The following ENAH variants were observed in gnomAD, a reference collection of about 807,000 sequenced individuals.
ENAH encodes ENAH actin regulator.
A neutral mutation model predicts 78.7 loss-of-function variants in ENAH; 23 were observed. The observed-to-expected ratio is 0.29, with a 90% CI of 0.21 to 0.41. ENAH has a LOEUF of 0.41. ENAH is among the 10% of genes least tolerant of loss of function. The probability of loss-of-function intolerance (pLI) is 1.00; values close to 1 mark genes in which losing one functional copy is unlikely to be tolerated. For synonymous variants in ENAH, 226 were observed against 241.0 expected, an observed-to-expected ratio of 0.94 and a Z score of 0.58; for missense variants, 544 against 691.0, an observed-to-expected ratio of 0.79 and a Z score of 2.39.
intron 2 of ENAH, among the ~76,000 whole-genome samples, chr1:225,559,522 A>T (rs1354717402): frequency 5.9e-5 from 9 of 152,192 alleles, no homozygotes; most frequent in Non-Finnish European, 8.8e-5. Context: ...TGTGACTCAT[A>T]AATTTGTAAC....
At chr1:225,557,046 C>G (rs78087354) in intron 2 of ENAH, among the ~76,000 whole-genome samples, 4 of 152,156 alleles carry the variant, frequency 2.6e-5, no homozygotes, top group African/African-American at 7.2e-5. Flanking sequence ...TAGCTTTATA[C>G]GAAATCTAGA....
rs1194908525 is a variant in ENAH at position 225,487,673 on chromosome 1, T to A, written c.*10102A>T. On this transcript the variant is annotated 3_prime_UTR_variant, in exon 14 of 14. Coordinates refer to ENST00000366843, the MANE Select transcript of ENAH (RefSeq NM_018212.6). Reference sequence around the variant, plus strand: ...CAGTATACGCAACCTTAGGCTCACTTCCAGATTATAAAGTCCCATTCATGG... The same window carrying A: ...CAGTATACGCAACCTTAGGCTCACTACCAGATTATAAAGTCCCATTCATGG... 1 of 152,216 alleles carries A rather than the reference T, an allele frequency of 6.6e-6. No individual in the cohort carries two copies. The highest frequency in any genetic ancestry group is 2.4e-5 in the African/African-American group (1 of 41,444). The allele number at this position is 152,216 out of a possible 1,614,324, so 9.4% of individuals were successfully genotyped here. A position where few individuals can be genotyped will look rare whatever the true frequency, so the allele number is the denominator to read the frequency against.
At chr1:225,521,641 C>CAA (rs559523159) in intron 4 of ENAH, among the ~76,000 whole-genome samples, 14 of 69,380 alleles carry the variant, frequency 2.0e-4, no homozygotes, top group African/African-American at 2.3e-4. Flanking sequence ...ACCCTGTCTC[C>CAA]AAAAAAAAAA....
At chr1:225,597,811 C>T (rs1332788017) in intron 1 of ENAH, among the ~76,000 whole-genome samples, 1 of 152,070 alleles carries the variant, frequency 6.6e-6, no homozygotes, top group Non-Finnish European at 1.5e-5. Context: ...ATGCATAAGG[C>T]CTACCGAAGG....
rs2096245925 is a variant in ENAH at position 225,495,525 on chromosome 1, G to A, written c.*2250C>T. The A allele has an allele frequency of 8.0e-6, 1 of 124,352 alleles. No individual in the cohort carries two copies. The highest frequency in any genetic ancestry group is 2.5e-4 in the South Asian group (1 of 3,992). The allele number at this position is 124,352 out of a possible 1,614,324, so 7.7% of individuals were successfully genotyped here. A position where few individuals can be genotyped will look rare whatever the true frequency, so the allele number is the denominator to read the frequency against. ...TTAATATTAGACCAAGGCACAAAAC[G>A]TTTAGTGCATAAACCCAGTTTCTTT... is the stretch of plus-strand genomic sequence containing the variant. On this transcript the variant is annotated 3_prime_UTR_variant, in exon 14 of 14. Transcript: ENST00000366843.
At chr1:225,623,813 T>C (rs180922279) in intron 1 of ENAH, among the ~76,000 whole-genome samples, 101 of 152,218 alleles carry the variant, frequency 6.6e-4, no homozygotes, top group Middle Eastern at 3.4e-3. Context: ...ATGGTCTCGC[T>C]CTCCTGACCT....
At chr1:225,585,952 G>A (rs1486046101) in intron 1 of ENAH, among the ~76,000 whole-genome samples, 3 of 152,144 alleles carry the variant, frequency 2.0e-5, no homozygotes, top group Non-Finnish European at 4.4e-5. Flanking sequence ...GGCGGCTCAC[G>A]CCTGTAATCT....
chr1:225,506,774 T>C (rs2096334150), intron 11 of ENAH, among the ~76,000 whole-genome samples: 1 of 152,204 alleles, frequency 6.6e-6, no homozygotes, highest in Non-Finnish European at 1.5e-5. Flanking sequence ...CTACCAAATC[T>C]TCTTTCCTAC....
chr1:225,550,547 A>AT (rs1033298624), intron 3 of ENAH, among the ~76,000 whole-genome samples: 3 of 152,216 alleles, frequency 2.0e-5, no homozygotes, highest in Non-Finnish European at 1.5e-5. Context: ...AACTACTGAG[A>AT]TTTTTTTAAT....
At chr1:225,519,713 T>C (rs2096452967) in intron 4 of ENAH, 148 bp from the exon 5 acceptor site, 2 of 1,213,920 alleles carry the variant, frequency 1.6e-6, no homozygotes, top group East Asian at 2.3e-5. Flanking sequence ...GAAGGCTACC[T>C]TGGATAGAGA....
intron 6 of ENAH, among the ~76,000 whole-genome samples, chr1:225,515,555 T>C (rs2096410964): frequency 6.6e-6 from 1 of 152,066 alleles, no homozygotes; most frequent in African/African-American, 2.4e-5. Context: ...TGAAGTAGAG[T>C]TGTTTTTATC....
At chr1:225,637,017 T>A (rs1660183561) in intron 1 of ENAH, among the ~76,000 whole-genome samples, 1 of 152,076 alleles carries the variant, frequency 6.6e-6, no homozygotes, top group African/African-American at 2.4e-5. Context: ...ATAAAAGTAA[T>A]GAAACCGCAA....
rs372263668 is a variant in ENAH, at chr1:225,554,860, T to C, written c.349+46A>G. ...CAAGTAAATCTTCAGTTTTGCTTTG[T>C]CTCTGGAAAAAGAAAGAAAATACAA... On this transcript the variant is annotated intron_variant, in intron 3 of 13. Transcript: ENST00000366843. The C allele has an allele frequency of 7.7e-6, 11 of 1,434,194 alleles. No individual in the cohort carries two copies. In the African/African-American group the frequency reaches 1.4e-4, roughly 18 times the overall value. The allele number at this position is 1,434,194 out of a possible 1,614,324, so 88.8% of individuals were successfully genotyped here. A position where few individuals can be genotyped will look rare whatever the true frequency, so the allele number is the denominator to read the frequency against.
At chr1:225,540,274 T>G (rs1394322214) in intron 3 of ENAH, among the ~76,000 whole-genome samples, 1 of 152,132 alleles carries the variant, frequency 6.6e-6, no homozygotes, top group Non-Finnish European at 1.5e-5. Flanking sequence ...TCCATAGCGT[T>G]CAAGATAAGA....
At chr1:225,525,903 TC>T (rs1054399989) in intron 4 of ENAH, among the ~76,000 whole-genome samples, 1 of 152,162 alleles carries the variant, frequency 6.6e-6, no homozygotes, top group East Asian at 1.9e-4. Flanking sequence ...TTTGTTTTTT[TC>T]CCCACTTACT....
At chr1:225,538,525 C>T (rs191234129) in intron 3 of ENAH, among the ~76,000 whole-genome samples, 2 of 151,472 alleles carry the variant, frequency 1.3e-5, no homozygotes, top group East Asian at 3.9e-4. Flanking sequence ...TATAGCTACA[C>T]ATGAAAATGT....
Position 225,652,821 on chromosome 1 carries a change from C to T in ENAH, c.-131G>A. The T allele has an allele frequency of 1.4e-6, 1 of 699,012 alleles. No homozygotes were observed. The highest frequency in any genetic ancestry group is 3.4e-5 in the East Asian group (1 of 29,236). The allele number at this position is 699,012 out of a possible 1,614,324, so 43.3% of individuals were successfully genotyped here. On this transcript the variant is annotated 5_prime_UTR_variant, in exon 1 of 14. Coordinates refer to ENST00000366843, the MANE Select transcript of ENAH (RefSeq NM_018212.6). ...GACAAGTGTCCGGCTCCTCCTTCGG[C>T]GGCCAGGGGGCTACACCATCTCCTC...
At chr1:225,626,257 T>C (rs1042554939) in intron 1 of ENAH, among the ~76,000 whole-genome samples, 2 of 152,258 alleles carry the variant, frequency 1.3e-5, no homozygotes, top group African/African-American at 2.4e-5. Context: ...CTTGAGTTTC[T>C]ATCAGTGCCA....
At chr1:225,601,550 A>G (rs559057374) in intron 1 of ENAH, among the ~76,000 whole-genome samples, 20 of 152,064 alleles carry the variant, frequency 1.3e-4, no homozygotes, top group African/African-American at 4.6e-4. Context: ...GAAGGTTCCA[A>G]TTACAAAATA....
Sources: allele counts gnomAD v4.1 joint callset (sites outside exome capture counted in the v4.1 genomes callset), GRCh38; gene constraint gnomAD v4.1.1; transcripts MANE v1.5; gene names NCBI Gene and HGNC (gene_info 2026-07-23, HGNC 2026-07-21).